Variants in RIMS1 observed in about 807,000 individuals in gnomAD.
RIMS1 encodes regulating synaptic membrane exocytosis protein 1.
Under a neutral mutation model 214.1 loss-of-function variants are expected in RIMS1, and 83 were observed. The ratio of observed to expected loss-of-function variants is 0.39; its 90% CI spans 0.32 to 0.47. The LOEUF (loss-of-function observed/expected upper bound fraction) is 0.47. RIMS1 is among the 20% of genes least tolerant of loss of function. The probability of loss-of-function intolerance (pLI) is 0.99; values close to 1 mark genes in which losing one functional copy is unlikely to be tolerated. For missense variants in RIMS1, 2,050 were observed against 2,161.8 expected, an observed-to-expected ratio of 0.95 and a Z score of 1.03; for synonymous variants, 793 against 786.8, an observed-to-expected ratio of 1.01 and a Z score of -0.13.
At chr6:72,236,830 CT>C (rs1021667617) in intron 8 of RIMS1, among the ~76,000 whole-genome samples, 26 of 149,052 alleles carry the variant, frequency 1.7e-4, no homozygotes, top group Middle Eastern at 3.5e-3. Context: ...TAACAAATTT[CT>C]ATTGGGCCAC....
At chr6:72,080,174 G>T (rs998473200) in intron 2 of RIMS1, among the ~76,000 whole-genome samples, 4 of 148,064 alleles carry the variant, frequency 2.7e-5, no homozygotes, top group Non-Finnish European at 5.9e-5. Flanking sequence ...TGAGGCAGGA[G>T]AATCGCTGGA....
At chr6:72,372,633 A>G (rs532220810) in intron 29 of RIMS1, among the ~76,000 whole-genome samples, 7 of 152,326 alleles carry the variant, frequency 4.6e-5, no homozygotes, top group African/African-American at 1.7e-4. Context: ...TGTAGGGGCA[A>G]TTTGAAGGAG....
At chr6:72,212,666 G>A (rs528160505) in intron 6 of RIMS1, 48 of 296,368 alleles carry the variant, frequency 1.6e-4, no homozygotes, top group Non-Finnish European at 2.2e-4. Context: ...CTCACAGCAC[G>A]ACAAAGGACA....
intron 4 of RIMS1, among the ~76,000 whole-genome samples, chr6:72,130,280 A>G (rs1021352900): frequency 6.6e-6 from 1 of 152,100 alleles, no homozygotes; most frequent in African/African-American, 2.4e-5. Flanking sequence ...AGCCATTCCC[A>G]GCTACTTTTT....
At chr6:71,918,834 G>A (rs1779166249) in intron 1 of RIMS1, among the ~76,000 whole-genome samples, 1 of 152,106 alleles carries the variant, frequency 6.6e-6, no homozygotes, top group South Asian at 2.1e-4. Flanking sequence ...CAGACCAGGA[G>A]GGTAGTAGAT....
intron 28 of RIMS1, chr6:72,317,354 C>T (rs562143474): frequency 3.0e-4 from 68 of 223,132 alleles, no homozygotes; most frequent in African/African-American, 1.4e-3. Context: ...AGGCTTATGT[C>T]GACCGCCCAG....
At chr6:72,271,678 T>C (rs2083467102) in intron 22 of RIMS1, among the ~76,000 whole-genome samples, 1 of 152,162 alleles carries the variant, frequency 6.6e-6, no homozygotes, top group Admixed American at 6.5e-5. Context: ...ATAAGTATCA[T>C]TTAATTGCTT....
intron 19 of RIMS1, chr6:72,262,779 A>G (rs1435335204): frequency 2.7e-6 from 2 of 750,934 alleles, no homozygotes; most frequent in South Asian, 6.1e-5. Flanking sequence ...ATAACTATCC[A>G]TGGCTAAAAT....
chr6:71,938,889 CT>C (rs1785239311), intron 1 of RIMS1, among the ~76,000 whole-genome samples: 5 of 152,222 alleles, frequency 3.3e-5, no homozygotes, highest in Admixed American at 3.3e-4. Context: ...TCTTTTCACT[CT>C]TTACATGGTC....
intron 16 of RIMS1, among the ~76,000 whole-genome samples, chr6:72,256,839 T>C (rs1309432620): frequency 6.6e-6 from 1 of 152,012 alleles, no homozygotes; most frequent in African/African-American, 2.4e-5. Context: ...CAAAACTCAA[T>C]AGCTTAGTTG....
chr6:72,218,107 C>CTTTTTTTTTTTTTTTT (rs145835882), intron 6 of RIMS1, among the ~76,000 whole-genome samples: 1 of 145,008 alleles, frequency 6.9e-6, no homozygotes, highest in Admixed American at 6.9e-5. Context: ...GGTTTTTTTG[C>CTTTTTTTTTTTTTTTT]TTTTTTTTTT....
intron 29 of RIMS1, among the ~76,000 whole-genome samples, chr6:72,383,623 A>C (rs1386591509): frequency 6.6e-6 from 1 of 151,160 alleles, no homozygotes; most frequent in East Asian, 1.9e-4. Context: ...AAAAAAAAAA[A>C]AAAAAAAACT....
chr6:72,359,092 C>A (rs976633052), intron 29 of RIMS1, among the ~76,000 whole-genome samples: 2 of 152,108 alleles, frequency 1.3e-5, no homozygotes, highest in Admixed American at 1.3e-4. Context: ...GCAAACCTAC[C>A]ACCAAAGGCC....
At chr6:72,037,129 C>T (rs565374055) in intron 2 of RIMS1, among the ~76,000 whole-genome samples, 4 of 146,538 alleles carry the variant, frequency 2.7e-5, no homozygotes, top group African/African-American at 7.5e-5. Flanking sequence ...ATAGCAAAGG[C>T]GGTTTGGAGG....
At chr6:71,955,269 C>G (rs530174869) in intron 1 of RIMS1, among the ~76,000 whole-genome samples, 1 of 151,932 alleles carries the variant, frequency 6.6e-6, no homozygotes, top group Non-Finnish European at 1.5e-5. Flanking sequence ...CAGGTTCAAG[C>G]GATTCTCCTG....
At chr6:72,393,500 G>A (rs1021613939) in intron 31 of RIMS1, among the ~76,000 whole-genome samples, 6 of 152,036 alleles carry the variant, frequency 3.9e-5, no homozygotes, top group African/African-American at 9.7e-5. Flanking sequence ...CGAGACAGGC[G>A]GATCACGAGG....
intron 4 of RIMS1, among the ~76,000 whole-genome samples, chr6:72,115,689 A>G (rs2036935368): frequency 6.6e-6 from 1 of 151,938 alleles, no homozygotes; most frequent in Admixed American, 6.6e-5. Flanking sequence ...CAAATAACTA[A>G]TTTCCTACAT....
At chr6:71,907,738 G>A (rs140285043) in intron 1 of RIMS1, among the ~76,000 whole-genome samples, 5 of 152,092 alleles carry the variant, frequency 3.3e-5, no homozygotes, top group South Asian at 4.2e-4. Context: ...CCATAATACC[G>A]CTTATATGTC....
At position 72,163,828 on chromosome 6, in the gene RIMS1, C is replaced by T. The variant is rs899731540; in HGVS notation, c.472-15747C>T. On this transcript the variant is annotated intron_variant, in intron 4 of 33. Transcript: ENST00000521978. ...GGGGGGGGGCCTCCCAGTTAGGCTACTCGGTGGTCAGGGACCCACTTGAGG... is the reference window on the plus strand; with the variant it reads ...GGGGGGGGGCCTCCCAGTTAGGCTATTCGGTGGTCAGGGACCCACTTGAGG... Among the ~76,000 whole-genome samples the T allele has an allele frequency of 6.3e-5, 6 of 95,432 alleles. 1 individual carries two copies. The highest frequency in any genetic ancestry group is 1.1e-4 in the Non-Finnish European group (4 of 35,940). The allele number at this position is 95,432 out of a possible 152,430, so 62.6% of individuals were successfully genotyped here.
Sources: allele counts gnomAD v4.1 joint callset (sites outside exome capture counted in the v4.1 genomes callset), GRCh38; gene constraint gnomAD v4.1.1; transcripts MANE v1.5; gene names NCBI Gene and HGNC (gene_info 2026-07-23, HGNC 2026-07-21).